The following RBPJ variants were observed in gnomAD, a reference collection of about 807,000 sequenced individuals.
The protein encoded by RBPJ is recombination signal binding protein for immunoglobulin kappa J region.
A neutral mutation model predicts 67.8 loss-of-function variants in RBPJ; 9 were observed. That is an observed-to-expected ratio of 0.13 (90% confidence interval 0.08 to 0.23). RBPJ has a LOEUF of 0.23. Ranked by LOEUF, RBPJ falls within the 10% of genes least tolerant of loss-of-function variation. The pLI, the probability that RBPJ is intolerant of heterozygous loss-of-function variation, is 1.00. For missense variants in RBPJ, 305 were observed against 595.6 expected (o/e 0.51, Z 5.08); for synonymous variants, 198 against 203.3 (o/e 0.97, Z 0.22).
chr4:26,161,784 A>G (rs116344595), upstream of RBPJ, among the ~76,000 whole-genome samples: 369 of 152,338 alleles, frequency 2.4e-3, 3 homozygotes, highest in African/African-American at 8.3e-3. Context: ...GCTGCATTAT[A>G]AGAGCCTTCA....
At chr4:26,255,767 A>G (rs111645160) in intron 1 of RBPJ, among the ~76,000 whole-genome samples, 5 of 149,320 alleles carry the variant, frequency 3.3e-5, no homozygotes, top group South Asian at 2.1e-4. Context: ...GTGCCACTGC[A>G]CTCCAGCCTG....
chr4:26,168,358 C>G (rs972195648), intron 1 of RBPJ, among the ~76,000 whole-genome samples: 1 of 152,136 alleles, frequency 6.6e-6, no homozygotes, highest in Admixed American at 6.5e-5. Context: ...ATATGAAATT[C>G]TGGGTTGTAA....
intron 1 of RBPJ, among the ~76,000 whole-genome samples, chr4:26,382,873 TTTGAG>T (rs1451402630): frequency 6.6e-6 from 1 of 152,206 alleles, no homozygotes; most frequent in Non-Finnish European, 1.5e-5. Flanking sequence ...CCTCATTCCT[TTTGAG>T]TTTTTTCCAG....
intron 2 of RBPJ, among the ~76,000 whole-genome samples, chr4:26,393,303 T>C (rs1731729086): frequency 6.6e-6 from 1 of 152,238 alleles, no homozygotes; most frequent in African/African-American, 2.4e-5. Context: ...TAACATTTTA[T>C]TTTATTAAGC....
chr4:26,376,487 A>G (rs1470481607), intron 1 of RBPJ, among the ~76,000 whole-genome samples: 1 of 152,200 alleles, frequency 6.6e-6, no homozygotes, highest in African/African-American at 2.4e-5. Flanking sequence ...ATATCCCATC[A>G]TATGTATGTA....
intron 1 of RBPJ, among the ~76,000 whole-genome samples, chr4:26,169,697 C>G (rs1364398807): frequency 6.6e-6 from 1 of 152,244 alleles, no homozygotes; most frequent in Non-Finnish European, 1.5e-5. Context: ...CAGAGGCAGG[C>G]AGGCCTCCTT....
chr4:26,367,758 G>C (rs1467800382), intron 1 of RBPJ: 1 of 152,202 alleles, frequency 6.6e-6, no homozygotes, highest in Non-Finnish European at 1.5e-5. Flanking sequence ...TAGATTTATT[G>C]AGGATGATCA....
chr4:26,231,414 C>CT (rs368580629), intron 1 of RBPJ, among the ~76,000 whole-genome samples: 272 of 142,076 alleles, frequency 1.9e-3, no homozygotes, highest in East Asian at 4.1e-3. Context: ...TTTAATTGCA[C>CT]TTTTTTTTTT....
rs1262787218 is a variant in RBPJ at position 26,424,612 on chromosome 4, A to T, written c.635-19A>T. The T allele has an allele frequency of 1.1e-5, 17 of 1,579,994 alleles. No homozygotes were observed. In the Admixed American group the frequency reaches 2.6e-4, roughly 24 times the overall value. On this transcript the variant is annotated intron_variant, in intron 6 of 10. Coordinates refer to ENST00000355476, the MANE Select transcript of RBPJ (RefSeq NM_015874.6). This position sits in a 1 kb window ranked among gnomAD's most constrained non-coding sequence, Gnocchi z 5.3. Reference sequence around the variant, plus strand: ...ATTTAAAAAGATGACAATTTGATTTATTTTTCCACCTACTGCAGTGGATGA... The same window carrying T: ...ATTTAAAAAGATGACAATTTGATTTTTTTTTCCACCTACTGCAGTGGATGA...
At chr4:26,195,491 A>G (rs530248528) in intron 1 of RBPJ, among the ~76,000 whole-genome samples, 58 of 152,318 alleles carry the variant, frequency 3.8e-4, no homozygotes, top group African/African-American at 1.4e-3. Context: ...TAAAGCTAAA[A>G]TGATCCATGG....
intron 2 of RBPJ, among the ~76,000 whole-genome samples, chr4:26,398,541 C>G (rs956927334): frequency 6.6e-6 from 1 of 152,208 alleles, no homozygotes; most frequent in African/African-American, 2.4e-5. Flanking sequence ...ATTAAATGTA[C>G]ACTTTACTAG....
At chr4:26,116,355 G>C in the RBPJ span, among the ~76,000 whole-genome samples, 1 of 152,340 alleles carries the variant, frequency 6.6e-6, no homozygotes, top group East Asian at 1.9e-4. Flanking sequence ...ACCAGAAAAA[G>C]AAAATCTTAC....
In RBPJ at chr4:26,241,575, G is replaced by A. The variant is rs879588469; in HGVS notation, c.-167+77961G>A. ...CACCCAGGCTGGAGTACAGTGGCGC[G>A]ATCCCTGCTCACTGCAACCTCTGCC... On this transcript the variant is annotated intron_variant, in intron 1 of 4. Transcript: ENST00000512351. Among the ~76,000 whole-genome samples the A allele has an allele frequency of 1.0e-3, 158 of 151,984 alleles. 1 individual carries two copies. The highest frequency in any genetic ancestry group is 8.3e-3 in the Admixed American group (127 of 15,270).
rs11394703 is a variant in RBPJ, at chr4:26,336,655, CA to C, written c.20+15623del. Among the ~76,000 whole-genome samples the C allele has an allele frequency of 2.8e-3, 383 of 137,914 alleles. 1 individual carries two copies. Among genetic ancestry groups the C allele is most frequent in the African/African-American group, 6.0e-3 (217 of 36,204 alleles). 90.5% of individuals were successfully genotyped at this position (137,914 alleles called of 152,430 possible). A position where few individuals can be genotyped will look rare whatever the true frequency, so the allele number is the denominator to read the frequency against. On this transcript the variant is annotated intron_variant, in intron 1 of 10. Transcript: ENST00000355476. ...GTAGAGCAAGACCTTGTTTCTTTAC[CA>C]AAAAAAAAAAAAAAATTTCTTTAGA...
At chr4:26,336,655 C>CA (rs11394703) in intron 1 of RBPJ, among the ~76,000 whole-genome samples, 65,937 of 137,890 alleles carry the variant, frequency 0.48, 15,713 homozygotes, top group Admixed American at 0.55. Context: ...GTTTCTTTAC[C>CA]AAAAAAAAAA....
At chr4:26,361,521 A>G (rs993715303) in intron 1 of RBPJ, among the ~76,000 whole-genome samples, 1 of 151,986 alleles carries the variant, frequency 6.6e-6, no homozygotes, top group Non-Finnish European at 1.5e-5. Flanking sequence ...ACATGCCTAG[A>G]GTGGAACAGC....
Position 26,414,917 on chromosome 4 carries a change from G to T in RBPJ, c.156-558G>T, listed in dbSNP as rs534795805. On this transcript the variant is annotated intron_variant, in intron 3 of 10. Coordinates refer to ENST00000355476, the MANE Select transcript of RBPJ (RefSeq NM_015874.6). ...TCAAAGATATATAAAACACAGCACTGCTCATAATCAGGAGATCCATGTATT... is the reference window on the plus strand; with the variant it reads ...TCAAAGATATATAAAACACAGCACTTCTCATAATCAGGAGATCCATGTATT... Among the ~76,000 whole-genome samples, 8 of 152,220 alleles carry T rather than the reference G, an allele frequency of 5.3e-5. No individual in the cohort carries two copies. In the East Asian group the frequency reaches 1.3e-3, roughly 26 times the overall value.
At chr4:26,397,478 A>G (rs1732249916) in intron 2 of RBPJ, among the ~76,000 whole-genome samples, 1 of 152,198 alleles carries the variant, frequency 6.6e-6, no homozygotes, top group Admixed American at 6.5e-5. Context: ...ATTTAATTAG[A>G]ATTCTGTTTT....
the RBPJ span, among the ~76,000 whole-genome samples, chr4:26,136,983 A>G: frequency 6.6e-6 from 1 of 152,182 alleles, no homozygotes; most frequent in South Asian, 2.1e-4. Context: ...AACTAGACAA[A>G]ATTGCGGAAA....
Sources: allele counts gnomAD v4.1 joint callset (sites outside exome capture counted in the v4.1 genomes callset), GRCh38; gene constraint gnomAD v4.1.1; non-coding constraint Gnocchi (gnomAD v3.1); transcripts MANE v1.5; gene names NCBI Gene and HGNC (gene_info 2026-07-23, HGNC 2026-07-21).